The following ACSS3 variants were observed in gnomAD, a reference collection of about 807,000 sequenced individuals.
ACSS3 encodes the protein acyl-CoA synthetase short chain family member 3, also known as acyl-CoA synthetase short-chain family member 3, mitochondrial.
A neutral mutation model predicts 84.2 loss-of-function variants in ACSS3; 64 were observed. The ratio of observed to expected loss-of-function variants is 0.76; its 90% CI spans 0.62 to 0.94. ACSS3 has a LOEUF of 0.94. ACSS3 is among the 40% of genes least tolerant of loss of function. ACSS3 has a pLI of 0.00. For synonymous variants in ACSS3, 317 were observed against 310.1 expected (o/e 1.02, Z -0.23); for missense variants, 815 against 867.6 (o/e 0.94, Z 0.76).
chr12:81,098,975 C>T (rs1882287239), intron 1 of ACSS3, among the ~76,000 whole-genome samples: 1 of 152,106 alleles, frequency 6.6e-6, no homozygotes, highest in South Asian at 2.1e-4. Context: ...TATAATGTTT[C>T]CCCTTCCTTC....
At chr12:81,253,957 C>T (rs1283169432) in intron 15 of ACSS3, among the ~76,000 whole-genome samples, 1 of 151,986 alleles carries the variant, frequency 6.6e-6, no homozygotes, top group Non-Finnish European at 1.5e-5. Flanking sequence ...TAGAGTCTTG[C>T]TTTATTACCC....
intron 8 of ACSS3, among the ~76,000 whole-genome samples, chr12:81,190,170 T>C (rs1481648578): frequency 1.3e-5 from 2 of 152,036 alleles, no homozygotes; most frequent in African/African-American, 4.8e-5. Context: ...TGAACAGATT[T>C]TAGTATCAGC....
chr12:81,248,092 A>C lies in ACSS3; in HGVS notation c.1720-5215A>C, dbSNP rs1950102. Among the ~76,000 whole-genome samples, 450 of 152,184 alleles carry C rather than the reference A, an allele frequency of 3.0e-3. 2 individuals are homozygous for C. The highest frequency in any genetic ancestry group is 8.7e-3 in the South Asian group (42 of 4,830). On this transcript the variant is annotated intron_variant, in intron 13 of 15. Transcript: ENST00000548058. Reference sequence around the variant, plus strand: ...CAAGGATGTAGAGAAAAGGGAACTCATACACGGTTAGTAGGAATGTAAATT... The same window carrying C: ...CAAGGATGTAGAGAAAAGGGAACTCCTACACGGTTAGTAGGAATGTAAATT...
chr12:81,225,783 T>C (rs1268937744), intron 11 of ACSS3, among the ~76,000 whole-genome samples: 1 of 151,936 alleles, frequency 6.6e-6, no homozygotes, highest in Non-Finnish European at 1.5e-5. Context: ...TGTAGCACAG[T>C]GCATGAGGAA....
At chr12:81,202,255 G>T (rs1315616976) in intron 9 of ACSS3, among the ~76,000 whole-genome samples, 2 of 151,418 alleles carry the variant, frequency 1.3e-5, no homozygotes, top group Non-Finnish European at 2.9e-5. Flanking sequence ...CTCCAGCCTG[G>T]GTGATAGAGC....
At chr12:81,191,540 CAAATA>C (rs1012556890) in intron 8 of ACSS3, among the ~76,000 whole-genome samples, 1 of 152,080 alleles carries the variant, frequency 6.6e-6, no homozygotes, top group African/African-American at 2.4e-5. Context: ...ATTTAAAAAT[CAAATA>C]AAACTCTCTG....
chr12:81,241,246 T>C (rs1000788156), intron 13 of ACSS3, among the ~76,000 whole-genome samples: 1 of 152,110 alleles, frequency 6.6e-6, no homozygotes, highest in African/African-American at 2.4e-5. Context: ...TATTGGACAT[T>C]TGGGTTGGTT....
At position 81,193,629 on chromosome 12, in the gene ACSS3, C is replaced by A. The variant is rs190903977; in HGVS notation, c.1251-5712C>A. On this transcript the variant is annotated intron_variant, in intron 8 of 15. Coordinates refer to ENST00000548058, the MANE Select transcript of ACSS3 (RefSeq NM_024560.4). ...ATTATAGATTTTAAAGTAGATAAAT[C>A]TTTCCATGTGTTACCATCATCAGAA... Among the ~76,000 whole-genome samples, 257 of 151,894 alleles carry A rather than the reference C, an allele frequency of 1.7e-3. 1 individual carries two copies. The highest frequency in any genetic ancestry group is 2.5e-4 in the Non-Finnish European group (17 of 67,856).
chr12:81,118,650 A>G (rs1331117458), intron 2 of ACSS3, among the ~76,000 whole-genome samples: 1 of 152,210 alleles, frequency 6.6e-6, no homozygotes, highest in Non-Finnish European at 1.5e-5. Context: ...TAACCTGTTA[A>G]TGTCAATAAA....
chr12:81,139,028 C>T (rs1293542674), intron 3 of ACSS3, 103 bp from the exon 4 acceptor site: 1 of 1,229,624 alleles, frequency 8.1e-7, no homozygotes, highest in East Asian at 2.4e-5. Context: ...AACATTCAGA[C>T]ATTTCTTTAC....
At chr12:81,208,099 G>T (rs2032426756) in intron 9 of ACSS3, among the ~76,000 whole-genome samples, 2 of 152,084 alleles carry the variant, frequency 1.3e-5, no homozygotes, top group African/African-American at 4.8e-5. Context: ...ACCTATTCAA[G>T]TTATTTATAG....
intron 13 of ACSS3, among the ~76,000 whole-genome samples, chr12:81,252,544 T>C (rs958840068): frequency 6.6e-6 from 1 of 152,088 alleles, no homozygotes; most frequent in African/African-American, 2.4e-5. Flanking sequence ...GTCACCAAAA[T>C]AAATGTTAAT....
At chr12:81,098,062 C>A (rs1277015122) in intron 1 of ACSS3, among the ~76,000 whole-genome samples, 5 of 152,016 alleles carry the variant, frequency 3.3e-5, no homozygotes, top group Non-Finnish European at 4.4e-5. Flanking sequence ...TCCGGGTACT[C>A]TGGTTTCCTT....
chr12:81,205,699 C>A (rs541212480), intron 9 of ACSS3, among the ~76,000 whole-genome samples: 9 of 152,156 alleles, frequency 5.9e-5, no homozygotes, highest in Non-Finnish European at 1.3e-4. Context: ...AGACATTTTT[C>A]TTTCATGTGT....
chr12:81,101,319 TAA>T, intron 1 of ACSS3, among the ~76,000 whole-genome samples: 1 of 152,240 alleles, frequency 6.6e-6, no homozygotes, highest in East Asian at 1.9e-4. Flanking sequence ...ATTTTTTATT[TAA>T]AAAAATTTAA....
intron 1 of ACSS3, among the ~76,000 whole-genome samples, chr12:81,084,323 A>G (rs1308812056): frequency 1.3e-5 from 2 of 152,242 alleles, no homozygotes; most frequent in Non-Finnish European, 2.9e-5. Flanking sequence ...TAATGAGAAC[A>G]TAAAATAATG....
At chr12:81,224,665 C>T (rs532853252) in intron 11 of ACSS3, among the ~76,000 whole-genome samples, 168 of 151,506 alleles carry the variant, frequency 1.1e-3, no homozygotes, top group African/African-American at 3.8e-3. Context: ...TACCTGTGGT[C>T]GACCATAGTC....
intron 7 of ACSS3, among the ~76,000 whole-genome samples, chr12:81,154,207 C>A (rs1282245350): frequency 5.3e-5 from 8 of 152,188 alleles, no homozygotes. Flanking sequence ...GCATTGCTTA[C>A]ATAAATATGA....
At chr12:81,147,375 C>T (rs1408393019) in intron 5 of ACSS3, among the ~76,000 whole-genome samples, 4 of 152,174 alleles carry the variant, frequency 2.6e-5, no homozygotes, top group African/African-American at 9.7e-5. Context: ...CTCATTTAGA[C>T]AGTCAACAAA....
Sources: gnomAD v4.1 joint callset for allele counts (sites outside exome capture counted in the v4.1 genomes callset) on GRCh38, gnomAD v4.1.1 for gene constraint, MANE v1.5 for transcripts, NCBI Gene and HGNC (gene_info 2026-07-23, HGNC 2026-07-21) for gene names.